The following CRYBG3 variants were observed in gnomAD, a reference collection of about 807,000 sequenced individuals.
The protein encoded by CRYBG3 is crystallin beta-gamma domain containing 3.
A neutral mutation model predicts 244.2 loss-of-function variants in CRYBG3; 127 were observed. That is an observed-to-expected ratio of 0.52 (90% CI 0.45 to 0.60). CRYBG3 has a LOEUF of 0.60. CRYBG3 is among the 20% of genes least tolerant of loss of function. The probability of loss-of-function intolerance (pLI) is 0.00; values close to 1 mark genes in which losing one functional copy is unlikely to be tolerated. For missense variants in CRYBG3, 3,325 were observed against 3,442.5 expected, an observed-to-expected ratio of 0.97 and a Z score of 0.85; for synonymous variants, 1,132 against 1,195.8, an observed-to-expected ratio of 0.95 and a Z score of 1.10.
intron 8 of CRYBG3, 62 bp from the exon 9 acceptor site, chr3:97,888,279 A>G: frequency 1.0e-6 from 1 of 994,222 alleles, no homozygotes; most frequent in South Asian, 1.5e-5. Context: ...AGCCCTTTTT[A>G]CTTACAGAAC....
At chr3:97,906,314 G>A (rs1315081931) in intron 15 of CRYBG3, among the ~76,000 whole-genome samples, 1 of 123,578 alleles carries the variant, frequency 8.1e-6, no homozygotes, top group African/African-American at 2.8e-5. Context: ...GGATGGCATT[G>A]AATCTGTAAA....
intron 2 of CRYBG3, among the ~76,000 whole-genome samples, chr3:97,855,204 A>G (rs1355486113): frequency 6.6e-6 from 1 of 152,094 alleles, no homozygotes; most frequent in Non-Finnish European, 1.5e-5. Flanking sequence ...ATTATGGTAT[A>G]TAATCTTTTT....
intron 17 of CRYBG3, among the ~76,000 whole-genome samples, chr3:97,925,425 G>T (rs73851092): frequency 6.6e-6 from 1 of 151,990 alleles, no homozygotes; most frequent in African/African-American, 2.4e-5. Context: ...TTACAATGGT[G>T]GGGGGAATAA....
intron 12 of CRYBG3, 24 bp downstream of exon 12, chr3:97,896,109 A>AT: frequency 6.4e-7 from 1 of 1,572,680 alleles, no homozygotes; most frequent in East Asian, 2.3e-5. Context: ...CTTATCCTTA[A>AT]TTTTCTACCT....
Position 97,822,203 on chromosome 3 carries a change from G to A in CRYBG3, c.-4G>A. 1.3e-6 allele frequency: 2 copies of A among 1,517,622 alleles called. No individual in the cohort carries two copies. The highest frequency in any genetic ancestry group is 1.8e-6 in the Non-Finnish European group (2 of 1,138,006). 94.0% of individuals were successfully genotyped at this position (1,517,622 alleles called of 1,614,324 possible). On this transcript the variant is annotated 5_prime_UTR_variant, in exon 1 of 22. Coordinates refer to ENST00000389622, the MANE Select transcript of CRYBG3 (RefSeq NM_153605.4). Reference sequence around the variant, plus strand: ...CAGCCCCGGGCCAGCGGCCCCCTCGGGAAATGTCCAGCGGCCGCAGAAGGG... The same window carrying A: ...CAGCCCCGGGCCAGCGGCCCCCTCGAGAAATGTCCAGCGGCCGCAGAAGGG...
At chr3:97,913,131 A>AC (rs2039890911) in intron 16 of CRYBG3, among the ~76,000 whole-genome samples, 1 of 152,044 alleles carries the variant, frequency 6.6e-6, no homozygotes, top group Non-Finnish European at 1.5e-5. Flanking sequence ...TCTAGTGTTT[A>AC]CCCCAAACAA....
rs779885038 is a variant in CRYBG3 at position 97,943,448 on chromosome 3, A to G, written c.*134A>G. Reference sequence around the variant, plus strand: ...ACTGAGCAGAATGAACATTTTCTCCAGCCTCTGAGACTATCGCTCTTAACC... The same window carrying G: ...ACTGAGCAGAATGAACATTTTCTCCGGCCTCTGAGACTATCGCTCTTAACC... On this transcript the variant is annotated 3_prime_UTR_variant, in exon 22 of 22. Coordinates refer to ENST00000389622, the MANE Select transcript of CRYBG3 (RefSeq NM_153605.4). 1 of 635,886 alleles carries G rather than the reference A, an allele frequency of 1.6e-6. No homozygotes were observed. The highest frequency in any genetic ancestry group is 3.0e-5 in the East Asian group (1 of 33,348). 39.4% of individuals were successfully genotyped at this position (635,886 alleles called of 1,614,324 possible).
At position 97,877,566 on chromosome 3, in the gene CRYBG3, A is replaced by G. The variant is rs2039395430; in HGVS notation, c.6372A>G (p.Leu2124=). ...RDSENQSSSV[L]SLLQSVSERL... is the part of the protein sequence containing the mutation. ...GTGAAAACCAGTCCTCTTCTGTTTT[A>G]TCCCTTCTCCAGTCAGTGTCAGAAC... Residue 2124 remains leucine, a synonymous_variant, in exon 4 of 22, where the codon TTA becomes TTG. Transcript: ENST00000389622. The G allele has an allele frequency of 6.2e-7, 1 of 1,614,020 alleles. No individual in the cohort carries two copies.
chr3:97,854,089 C>T (rs1201681664), intron 2 of CRYBG3, among the ~76,000 whole-genome samples: 1 of 152,062 alleles, frequency 6.6e-6, no homozygotes, highest in Non-Finnish European at 1.5e-5. Flanking sequence ...GCTGTCCTTT[C>T]CCCCACTTTA....
intron 15 of CRYBG3, among the ~76,000 whole-genome samples, chr3:97,911,739 A>G (rs2039874988): frequency 6.6e-6 from 1 of 152,220 alleles, no homozygotes; most frequent in African/African-American, 2.4e-5. Context: ...GCAGCATACC[A>G]TGTAGCCTCA....
intron 2 of CRYBG3, among the ~76,000 whole-genome samples, chr3:97,860,071 T>G (rs918530101): frequency 4.6e-5 from 7 of 152,190 alleles, no homozygotes; most frequent in African/African-American, 1.7e-4. Context: ...TCTGAAAAGG[T>G]TTCCCATCTA....
At chr3:97,840,156 AT>A (rs889070179) in intron 1 of CRYBG3, among the ~76,000 whole-genome samples, 4 of 152,050 alleles carry the variant, frequency 2.6e-5, no homozygotes, top group African/African-American at 9.7e-5. Flanking sequence ...AAGCAGCAGA[AT>A]AAAGTGATTT....
intron 17 of CRYBG3, among the ~76,000 whole-genome samples, chr3:97,920,356 C>T (rs1411318157): frequency 6.6e-6 from 1 of 152,138 alleles, no homozygotes; most frequent in Non-Finnish European, 1.5e-5. Context: ...GCTCTTACCT[C>T]CATCAGTGTA....
intron 1 of CRYBG3, among the ~76,000 whole-genome samples, chr3:97,826,060 G>T (rs1019862953): frequency 6.6e-5 from 10 of 152,202 alleles, no homozygotes; most frequent in African/African-American, 2.4e-4. Flanking sequence ...GATGACGAGA[G>T]AATTCCAGAA....
intron 11 of CRYBG3, among the ~76,000 whole-genome samples, chr3:97,895,677 A>C (rs1462115408): frequency 2.6e-5 from 4 of 152,202 alleles, no homozygotes; most frequent in Non-Finnish European, 5.9e-5. Context: ...TTCTCTGACC[A>C]ACTTGCGCTG....
intron 3 of CRYBG3, among the ~76,000 whole-genome samples, chr3:97,866,147 A>C (rs994136043): frequency 6.6e-6 from 1 of 152,174 alleles, no homozygotes; most frequent in Non-Finnish European, 1.5e-5. Context: ...TGTTAAATTG[A>C]TAACAATAAT....
chr3:97,907,069 A>G (rs2039784454), intron 15 of CRYBG3, among the ~76,000 whole-genome samples: 1 of 152,140 alleles, frequency 6.6e-6, no homozygotes, highest in African/African-American at 2.4e-5. Flanking sequence ...CATATATTGA[A>G]ACAGCCTTGC....
chr3:97,834,342 A>G (rs968710433), intron 1 of CRYBG3, among the ~76,000 whole-genome samples: 1 of 152,186 alleles, frequency 6.6e-6, no homozygotes, highest in Admixed American at 6.5e-5. Context: ...ACAAATGGCA[A>G]TGTCAGAAGT....
intron 15 of CRYBG3, among the ~76,000 whole-genome samples, chr3:97,911,288 G>A (rs1356006468): frequency 2.0e-5 from 3 of 152,176 alleles, no homozygotes; most frequent in African/African-American, 7.2e-5. Flanking sequence ...TGTCAGTGCA[G>A]GGTGGACCTG....
Sources: gnomAD v4.1 joint callset for allele counts (sites outside exome capture counted in the v4.1 genomes callset) on GRCh38, gnomAD v4.1.1 for gene constraint, MANE v1.5 for transcripts, NCBI Gene and HGNC (gene_info 2026-07-23, HGNC 2026-07-21) for gene names.